LRP1B: variants seen among roughly 807,000 people sequenced by gnomAD.
LRP1B encodes low-density lipoprotein receptor-related protein 1B.
Under a neutral mutation model 556.6 loss-of-function variants are expected in LRP1B, and 217 were observed. That is an observed-to-expected ratio of 0.39 (90% CI 0.35 to 0.44). The LOEUF (loss-of-function observed/expected upper bound fraction) is 0.44, where lower values mean the gene tolerates loss of function less well. LRP1B is among the 20% of genes least tolerant of loss of function. The pLI is 1.00. For synonymous variants in LRP1B, 2,047 were observed against 1,865.8 expected, an observed-to-expected ratio of 1.10 and a Z score of -2.50; for missense variants, 5,053 against 5,620.8, an observed-to-expected ratio of 0.90 and a Z score of 3.23.
At chr2:140,328,422 T>G (rs1680607413) in intron 79 of LRP1B, among the ~76,000 whole-genome samples, 1 of 151,918 alleles carries the variant, frequency 6.6e-6, no homozygotes, top group South Asian at 2.1e-4. Context: ...ACTCTAAAAT[T>G]TTCTAAGATC....
intron 88 of LRP1B, among the ~76,000 whole-genome samples, chr2:140,238,803 T>C (rs1680823753): frequency 6.6e-6 from 1 of 150,800 alleles, no homozygotes; most frequent in South Asian, 2.1e-4. Flanking sequence ...CTGTACCCAT[T>C]AGGTAATTTC....
At chr2:141,596,623 A>G (rs561056019) in intron 2 of LRP1B, among the ~76,000 whole-genome samples, 19 of 152,178 alleles carry the variant, frequency 1.2e-4, no homozygotes, top group African/African-American at 4.3e-4. Flanking sequence ...ATTACATTCT[A>G]GATTTAAAAG....
At chr2:141,431,771 T>C (rs958204904) in intron 3 of LRP1B, among the ~76,000 whole-genome samples, 13 of 152,158 alleles carry the variant, frequency 8.5e-5, no homozygotes, top group African/African-American at 2.9e-4. Flanking sequence ...AAATGCTCAT[T>C]GCTATTGTGT....
intron 41 of LRP1B, among the ~76,000 whole-genome samples, chr2:140,647,356 A>AT (rs1684520836): frequency 6.6e-6 from 1 of 152,118 alleles, no homozygotes; most frequent in African/African-American, 2.4e-5. Context: ...AAATTGTCTT[A>AT]TTTTTTATAT....
rs1344393724 is a variant in LRP1B, at chr2:141,254,733, G to C, written c.344-92C>G. On this transcript the variant is annotated intron_variant, in intron 3 of 90. Coordinates refer to ENST00000389484, the MANE Select transcript of LRP1B (RefSeq NM_018557.3). ...TGTACAATCCTTACACTATAGTCTT[G>C]ATTGTTCTCCCAGAAAGTTTATATG... The C allele has an allele frequency of 7.5e-6, 7 of 933,040 alleles. No individual in the cohort carries two copies. In the Admixed American group the frequency reaches 2.4e-4, roughly 32 times the overall value. 57.8% of individuals were successfully genotyped at this position (933,040 alleles called of 1,614,324 possible).
chr2:140,603,260 T>C (rs1682742639), intron 41 of LRP1B, among the ~76,000 whole-genome samples: 2 of 152,066 alleles, frequency 1.3e-5, no homozygotes. Flanking sequence ...TAAAACACAG[T>C]CACTGTAAAA....
chr2:141,224,282 A>G (rs773618394), intron 6 of LRP1B, among the ~76,000 whole-genome samples: 210 of 152,276 alleles, frequency 1.4e-3, no homozygotes, highest in Non-Finnish European at 2.6e-3. Flanking sequence ...CCAAATCAAA[A>G]CCGTGATGAG....
intron 35 of LRP1B, among the ~76,000 whole-genome samples, chr2:140,734,067 G>A (rs767159657): frequency 1.3e-5 from 2 of 152,096 alleles, no homozygotes; most frequent in African/African-American, 4.8e-5. Flanking sequence ...GTAACAAAAA[G>A]TTCAGTGAAA....
At chr2:141,962,474 G>T (rs1014935979) in intron 1 of LRP1B, among the ~76,000 whole-genome samples, 7 of 151,718 alleles carry the variant, frequency 4.6e-5, no homozygotes, top group African/African-American at 1.7e-4. Flanking sequence ...ATATAGACCT[G>T]TTCACATTGC....
rs372415441 is a variant in LRP1B at position 140,748,290 on chromosome 2, G to GTATA, written c.5758+20919_5758+20922dup. On this transcript the variant is annotated intron_variant, in intron 35 of 90. Transcript: ENST00000389484. Reference sequence around the variant, plus strand: ...TCATATTTAATATATGTTCATATATGTATATATATTCATATATTATATTCA... The same window carrying GTATA: ...TCATATTTAATATATGTTCATATATGTATATATATATATTCATATATTATATTCA... Among the ~76,000 whole-genome samples the GTATA allele has an allele frequency of 9.0e-4, 107 of 118,548 alleles. 1 individual carries two copies. Among genetic ancestry groups the GTATA allele is most frequent in the African/African-American group, 3.2e-3 (102 of 32,072 alleles). The allele number at this position is 118,548 out of a possible 152,430, so 77.8% of individuals were successfully genotyped here.
At chr2:141,965,631 G>A (rs1701537091) in intron 1 of LRP1B, among the ~76,000 whole-genome samples, 1 of 127,418 alleles carries the variant, frequency 7.8e-6, no homozygotes, top group East Asian at 2.4e-4. Flanking sequence ...AGCATTGGGA[G>A]ATATACCTAA....
At chr2:140,791,186 A>ATT (rs1690107361) in intron 32 of LRP1B, among the ~76,000 whole-genome samples, 9 of 152,226 alleles carry the variant, frequency 5.9e-5, no homozygotes, top group African/African-American at 2.2e-4. Context: ...CCCAGGAGGC[A>ATT]GAGGTTGCAG....
intron 2 of LRP1B, among the ~76,000 whole-genome samples, chr2:141,537,300 G>A (rs1260696586): frequency 6.6e-6 from 1 of 151,992 alleles, no homozygotes; most frequent in African/African-American, 2.4e-5. Flanking sequence ...TGGTTTATAT[G>A]AATTTAAAAT....
At chr2:141,228,933 A>C (rs898583387) in intron 6 of LRP1B, among the ~76,000 whole-genome samples, 3 of 152,178 alleles carry the variant, frequency 2.0e-5, no homozygotes, top group African/African-American at 7.2e-5. Context: ...GTCAGGTGAC[A>C]CTGTAAAAAG....
rs70988414 is a variant in LRP1B, at chr2:140,640,383, CTTTTTT to C, written c.6800-38750_6800-38745del. Among the ~76,000 whole-genome samples, 298 of 48,506 alleles carry C rather than the reference CTTTTTT, an allele frequency of 6.1e-3. 2 individuals are homozygous for C. Among genetic ancestry groups the C allele is most frequent in the African/African-American group, 0.023 (276 of 11,748 alleles). 31.8% of individuals were successfully genotyped at this position (48,506 alleles called of 152,430 possible). ...ATCCACTATTCCCTTGTCCTGTTTT[CTTTTTT>C]TTTTTTTTTTTTTTTTTTTTTTTTG... On this transcript the variant is annotated intron_variant, in intron 41 of 90. Coordinates refer to ENST00000389484, the MANE Select transcript of LRP1B (RefSeq NM_018557.3).
chr2:141,287,327 C>CTTT (rs373364398), intron 3 of LRP1B, among the ~76,000 whole-genome samples: 2 of 141,982 alleles, frequency 1.4e-5, no homozygotes, highest in Admixed American at 7.1e-5. Flanking sequence ...CTTTATTTTT[C>CTTT]TTTTTTTTTT....
intron 3 of LRP1B, among the ~76,000 whole-genome samples, chr2:141,315,817 C>T (rs1321149619): frequency 1.4e-5 from 2 of 143,522 alleles, no homozygotes; most frequent in African/African-American, 5.1e-5. Context: ...CTGGGATTAC[C>T]TGATACTGCA....
At chr2:140,578,965 T>C (rs1681646418) in intron 43 of LRP1B, among the ~76,000 whole-genome samples, 2 of 151,734 alleles carry the variant, frequency 1.3e-5, no homozygotes, top group East Asian at 3.9e-4. Flanking sequence ...CTCAGCAAAA[T>C]ACAGAAGTAA....
intron 1 of LRP1B, among the ~76,000 whole-genome samples, chr2:142,124,448 G>A (rs1488177655): frequency 6.6e-6 from 1 of 151,742 alleles, no homozygotes; most frequent in African/African-American, 2.4e-5. Context: ...ATTTAATCCT[G>A]TTGTCCAATT....
Sources: allele counts gnomAD v4.1 joint callset (sites outside exome capture counted in the v4.1 genomes callset), GRCh38; gene constraint gnomAD v4.1.1; transcripts MANE v1.5; gene names NCBI Gene and HGNC (gene_info 2026-07-23, HGNC 2026-07-21).